Variants in NEK7 observed in about 807,000 individuals in gnomAD.
NEK7 encodes serine/threonine-protein kinase Nek7.
Under a neutral mutation model 44.6 loss-of-function variants are expected in NEK7, and 18 were observed. The observed-to-expected ratio is 0.40, with a 90% CI of 0.28 to 0.60. The LOEUF (loss-of-function observed/expected upper bound fraction) is 0.60. NEK7 is among the 20% of genes least tolerant of loss of function. NEK7 has a pLI of 0.38. For synonymous variants in NEK7, 130 were observed against 121.1 expected, an observed-to-expected ratio of 1.07 and a Z score of -0.48; for missense variants, 256 against 366.5, an observed-to-expected ratio of 0.70 and a Z score of 2.46.
At chr1:198,252,086 G>A (rs1379773471) in intron 2 of NEK7, among the ~76,000 whole-genome samples, 5 of 151,836 alleles carry the variant, frequency 3.3e-5, no homozygotes, top group South Asian at 2.1e-4. Context: ...CTTTGTTCTC[G>A]TTGGTTTCAA....
chr1:198,182,030 A>G (rs2102745802), intron 1 of NEK7, among the ~76,000 whole-genome samples: 1 of 152,230 alleles, frequency 6.6e-6, no homozygotes, highest in East Asian at 1.9e-4. Context: ...ATATGTTCAA[A>G]TATGCGTAGA....
chr1:198,222,729 G>T (rs1438450732), intron 1 of NEK7, among the ~76,000 whole-genome samples: 1 of 152,076 alleles, frequency 6.6e-6, no homozygotes, highest in Non-Finnish European at 1.5e-5. Flanking sequence ...GGTACTTGCT[G>T]ATGAATACAG....
chr1:198,281,662 C>T (rs1424263010), intron 7 of NEK7, among the ~76,000 whole-genome samples: 10 of 152,018 alleles, frequency 6.6e-5, no homozygotes, highest in South Asian at 2.1e-4. Flanking sequence ...TTTCAAAATA[C>T]ATTTTTGTTG....
chr1:198,271,019 C>A (rs1653822027), intron 5 of NEK7, among the ~76,000 whole-genome samples: 1 of 151,984 alleles, frequency 6.6e-6, no homozygotes, highest in Non-Finnish European at 1.5e-5. Flanking sequence ...TGGTTGTCAA[C>A]TGGGGGTATC....
intron 1 of NEK7, 86 bp downstream of exon 1, chr1:198,157,362 A>T (rs1297827133): frequency 6.6e-6 from 1 of 152,048 alleles, no homozygotes; most frequent in Admixed American, 6.5e-5. Flanking sequence ...CGGGAGAGGG[A>T]GGTCGGGACC....
intron 1 of NEK7, among the ~76,000 whole-genome samples, chr1:198,180,553 T>A (rs923518518): frequency 2.6e-5 from 4 of 152,080 alleles, no homozygotes; most frequent in Admixed American, 2.0e-4. Context: ...GAATTCATAA[T>A]TTTTGTTGTT....
chr1:198,275,175 A>T (rs1233305527), intron 5 of NEK7, among the ~76,000 whole-genome samples: 2 of 151,216 alleles, frequency 1.3e-5, no homozygotes, highest in Non-Finnish European at 3.0e-5. Flanking sequence ...GTATTTGAAG[A>T]TTTGCATAGG....
chr1:198,252,948 T>C, intron 2 of NEK7, 92 bp from the exon 3 acceptor site: 1 of 1,050,572 alleles, frequency 9.5e-7, no homozygotes, highest in Non-Finnish European at 1.4e-6. Context: ...ACTTACCCTA[T>C]GTGTCACCTA....
intron 1 of NEK7, among the ~76,000 whole-genome samples, chr1:198,218,721 C>G (rs1665996130): frequency 7.0e-6 from 1 of 142,802 alleles, no homozygotes; most frequent in Non-Finnish European, 1.5e-5. Flanking sequence ...AGAAAAAAAT[C>G]CAATTAAAAG....
intron 9 of NEK7, among the ~76,000 whole-genome samples, chr1:198,297,482 A>G (rs1654747618): frequency 6.6e-6 from 1 of 152,194 alleles, no homozygotes; most frequent in South Asian, 2.1e-4. Context: ...TCTAGGTGTG[A>G]TAAGAATAGT....
chr1:198,273,540 C>T (rs926446975), intron 5 of NEK7, among the ~76,000 whole-genome samples: 8 of 151,658 alleles, frequency 5.3e-5, no homozygotes, highest in East Asian at 1.9e-4. Flanking sequence ...GAAATAACCA[C>T]GACAAAATAT....
intron 1 of NEK7, among the ~76,000 whole-genome samples, chr1:198,170,231 G>C (rs1664395965): frequency 6.6e-6 from 1 of 152,154 alleles, no homozygotes; most frequent in African/African-American, 2.4e-5. Context: ...AGTGGGGTGA[G>C]ATAGGAATCA....
intron 9 of NEK7, among the ~76,000 whole-genome samples, chr1:198,313,266 C>T (rs917635676): frequency 3.3e-5 from 5 of 151,960 alleles, no homozygotes; most frequent in Non-Finnish European, 5.9e-5. Flanking sequence ...TGCCACCCCT[C>T]CCTTTTTTTG....
intron 1 of NEK7, among the ~76,000 whole-genome samples, chr1:198,193,284 A>G (rs1048212435): frequency 6.6e-6 from 1 of 152,158 alleles, no homozygotes. Flanking sequence ...AAATAGACCA[A>G]TAACGAGTTC....
chr1:198,280,846 A>G (rs1265058629), intron 7 of NEK7, among the ~76,000 whole-genome samples: 1 of 150,784 alleles, frequency 6.6e-6, no homozygotes, highest in Non-Finnish European at 1.5e-5. Flanking sequence ...ATTCTAAGAC[A>G]TACCTGAAAT....
chr1:198,189,932 G>A (rs1665027189), intron 1 of NEK7, among the ~76,000 whole-genome samples: 1 of 152,068 alleles, frequency 6.6e-6, no homozygotes, highest in Non-Finnish European at 1.5e-5. Flanking sequence ...TAAAAAGAGA[G>A]GAGGGTCATT....
At chr1:198,231,338 A>ATATATAT (rs1399954083) in intron 1 of NEK7, among the ~76,000 whole-genome samples, 24 of 112,682 alleles carry the variant, frequency 2.1e-4, no homozygotes, top group Admixed American at 3.8e-4. Flanking sequence ...TATATATATA[A>ATATATAT]AAACACATGA....
chr1:198,265,914 T>G (rs952629435), intron 5 of NEK7, among the ~76,000 whole-genome samples: 2 of 152,124 alleles, frequency 1.3e-5, no homozygotes, highest in Non-Finnish European at 2.9e-5. Context: ...CTATATATTA[T>G]GTTACTTAAC....
intron 9 of NEK7, among the ~76,000 whole-genome samples, chr1:198,298,344 TCAC>T (rs1654773500): frequency 6.6e-6 from 1 of 152,230 alleles, no homozygotes; most frequent in Non-Finnish European, 1.5e-5. Context: ...TAAAGAATTT[TCAC>T]CACATGTAAA....
Sources: gnomAD v4.1 joint callset for allele counts (sites outside exome capture counted in the v4.1 genomes callset) on GRCh38, gnomAD v4.1.1 for gene constraint, MANE v1.5 for transcripts, NCBI Gene and HGNC (gene_info 2026-07-23, HGNC 2026-07-21) for gene names.